CLVS1: variants seen among roughly 807,000 people sequenced by gnomAD.
CLVS1 encodes clavesin 1.
CLVS1 carries 10 observed loss-of-function variants against 33.1 expected under a neutral mutation model. That is an observed-to-expected ratio of 0.30 (90% CI 0.19 to 0.51). The LOEUF is 0.51. Among genes scored for constraint, CLVS1 ranks in the 20% least tolerant of loss-of-function variants. The probability of loss-of-function intolerance (pLI) is 0.97; values close to 1 mark genes in which losing one functional copy is unlikely to be tolerated. For missense variants in CLVS1, 343 were observed against 433.4 expected (o/e 0.79, Z 1.85); for synonymous variants, 163 against 166.1 (o/e 0.98, Z 0.14).
intron 2 of CLVS1, among the ~76,000 whole-genome samples, chr8:61,187,511 T>C (rs113786518): frequency 7.2e-5 from 11 of 152,244 alleles, no homozygotes; most frequent in African/African-American, 2.6e-4. Context: ...GTGATGTATA[T>C]GGTACATTAC....
At chr8:61,140,785 C>T (rs545196476) in intron 2 of CLVS1, among the ~76,000 whole-genome samples, 1 of 152,152 alleles carries the variant, frequency 6.6e-6, no homozygotes, top group Middle Eastern at 3.4e-3. Flanking sequence ...CCAGGATGGT[C>T]TCGATCTCCT....
chr8:61,005,547 T>A, the CLVS1 span, among the ~76,000 whole-genome samples: 40 of 152,218 alleles, frequency 2.6e-4, no homozygotes, highest in Non-Finnish European at 5.4e-4. Flanking sequence ...CCAGTGGCCC[T>A]GCACGGTGCA....
At chr8:61,125,890 T>G (rs1329890656) in intron 1 of CLVS1, among the ~76,000 whole-genome samples, 2 of 152,184 alleles carry the variant, frequency 1.3e-5, no homozygotes, top group African/African-American at 4.8e-5. Flanking sequence ...TGCTCTTAAT[T>G]CATATTAAAA....
the CLVS1 span, among the ~76,000 whole-genome samples, chr8:61,010,670 G>A: frequency 6.6e-6 from 1 of 152,288 alleles, no homozygotes; most frequent in East Asian, 1.9e-4. Context: ...ACACTAAACA[G>A]GCAATTCTAT....
intron 2 of CLVS1, among the ~76,000 whole-genome samples, chr8:61,192,823 C>T (rs1188002607): frequency 1.3e-5 from 2 of 152,054 alleles, no homozygotes; most frequent in African/African-American, 4.8e-5. Context: ...CAATGAGATA[C>T]CATGTCACAC....
At chr8:61,086,817 TC>T (rs1388653726) in intron 1 of CLVS1, among the ~76,000 whole-genome samples, 2 of 152,200 alleles carry the variant, frequency 1.3e-5, no homozygotes, top group Non-Finnish European at 2.9e-5. Flanking sequence ...GGAACTATAA[TC>T]CTAACAGTAA....
intron 3 of CLVS1, among the ~76,000 whole-genome samples, chr8:61,395,122 G>A (rs545706994): frequency 2.2e-4 from 33 of 152,290 alleles, no homozygotes; most frequent in Middle Eastern, 3.4e-3. Context: ...GGAATACTAT[G>A]CAGCCTTCAA....
At chr8:61,229,127 C>T (rs1169028984) in intron 2 of CLVS1, among the ~76,000 whole-genome samples, 1 of 152,148 alleles carries the variant, frequency 6.6e-6, no homozygotes, top group East Asian at 1.9e-4. Flanking sequence ...ATTTGACTGT[C>T]TTGAGAAATG....
intron 2 of CLVS1, among the ~76,000 whole-genome samples, chr8:61,157,258 G>A (rs1317785622): frequency 6.6e-6 from 1 of 152,046 alleles, no homozygotes; most frequent in Non-Finnish European, 1.5e-5. Flanking sequence ...GCAATTAAAT[G>A]ATTTTTAACA....
At chr8:61,409,980 CTTATA>C (rs1330690921) in intron 3 of CLVS1, among the ~76,000 whole-genome samples, 1 of 149,236 alleles carries the variant, frequency 6.7e-6, no homozygotes, top group Non-Finnish European at 1.5e-5. Context: ...TTTTTCTTAA[CTTATA>C]TTAAGGAGAT....
At chr8:61,152,752 C>T (rs1440212796) in intron 2 of CLVS1, among the ~76,000 whole-genome samples, 2 of 152,188 alleles carry the variant, frequency 1.3e-5, no homozygotes, top group African/African-American at 4.8e-5. Flanking sequence ...GGGATATAAA[C>T]ATTCAATCCC....
chr8:61,289,310 C>G (rs1438385150), intron 1 of CLVS1, among the ~76,000 whole-genome samples: 1 of 152,220 alleles, frequency 6.6e-6, no homozygotes, highest in Admixed American at 6.5e-5. Flanking sequence ...CATTTTCTAT[C>G]TCAGCTGAAG....
At chr8:61,163,877 C>G (rs764348566) in intron 2 of CLVS1, among the ~76,000 whole-genome samples, 1 of 152,112 alleles carries the variant, frequency 6.6e-6, no homozygotes, top group Non-Finnish European at 1.5e-5. Context: ...TCTGCCATGG[C>G]GGCAAACAGC....
At chr8:61,451,398 G>A (rs1212354983) in intron 3 of CLVS1, among the ~76,000 whole-genome samples, 2 of 152,116 alleles carry the variant, frequency 1.3e-5, no homozygotes, top group Admixed American at 1.3e-4. Flanking sequence ...CTGGGGGGCA[G>A]ACACATTTTT....
chr8:61,118,340 T>C (rs1242327961), intron 1 of CLVS1, among the ~76,000 whole-genome samples: 1 of 152,118 alleles, frequency 6.6e-6, no homozygotes, highest in Non-Finnish European at 1.5e-5. Flanking sequence ...GGTTCATTAA[T>C]TTTTTGAAGG....
At chr8:61,246,025 G>A (rs963826864) in intron 2 of CLVS1, among the ~76,000 whole-genome samples, 65 of 151,916 alleles carry the variant, frequency 4.3e-4, no homozygotes, top group African/African-American at 1.6e-3. Flanking sequence ...TCCTGTCTTT[G>A]CCTCCCAAAG....
At chr8:61,033,048 A>AG in the CLVS1 span, among the ~76,000 whole-genome samples, 106 of 92,026 alleles carry the variant, frequency 1.2e-3, 4 homozygotes, top group Non-Finnish European at 2.1e-3. Context: ...AAAGAAAGAA[A>AG]AAGAAAGAAA....
intron 1 of CLVS1, among the ~76,000 whole-genome samples, chr8:61,064,063 G>A (rs1223039703): frequency 6.6e-6 from 1 of 152,114 alleles, no homozygotes; most frequent in African/African-American, 2.4e-5. Flanking sequence ...AATTTCATTC[G>A]TTTTTAAGGT....
At position 61,499,622 on chromosome 8, in the gene CLVS1, A is replaced by T; in HGVS notation, c.*80A>T. ...CAGGAAGCACATGCACAACTGACCC[A>T]TGCAGACACGTGTGTTCTGCTTGAC... On this transcript the variant is annotated 3_prime_UTR_variant, in exon 6 of 6. Transcript: ENST00000325897. The T allele has an allele frequency of 2.0e-6, 2 of 984,730 alleles. No homozygotes were observed. The highest frequency in any genetic ancestry group is 2.6e-5 in the South Asian group (2 of 75,516). The allele number at this position is 984,730 out of a possible 1,614,324, so 61.0% of individuals were successfully genotyped here.
Sources: allele counts gnomAD v4.1 joint callset (sites outside exome capture counted in the v4.1 genomes callset), GRCh38; gene constraint gnomAD v4.1.1; transcripts MANE v1.5; gene names NCBI Gene and HGNC (gene_info 2026-07-23, HGNC 2026-07-21).